Variants in SLC1A7 observed in about 807,000 individuals in gnomAD.
The protein encoded by SLC1A7 is solute carrier family 1 member 7.
A neutral mutation model predicts 47.7 loss-of-function variants in SLC1A7; 40 were observed. That is an observed-to-expected ratio of 0.84 (90% CI 0.65 to 1.09). The LOEUF (loss-of-function observed/expected upper bound fraction) is 1.09. Among genes scored for constraint, SLC1A7 ranks in the 50% least tolerant of loss-of-function variants. The pLI is 0.00. For synonymous variants in SLC1A7, 323 were observed against 325.6 expected, an observed-to-expected ratio of 0.99 and a Z score of 0.09; for missense variants, 746 against 769.5, an observed-to-expected ratio of 0.97 and a Z score of 0.36.
At chr1:53,105,852 C>T (rs182247943) in intron 3 of SLC1A7, 78 bp from the exon 4 acceptor site, 1 of 1,164,806 alleles carries the variant, frequency 8.6e-7, no homozygotes, top group East Asian at 2.3e-5. Flanking sequence ...TTGGGGTCAT[C>T]TGGACATCTC....
chr1:53,089,688 C>G (rs561530368), intron 9 of SLC1A7, 112 bp downstream of exon 9: 2 of 1,137,684 alleles, frequency 1.8e-6, no homozygotes, highest in Middle Eastern at 2.4e-4. Context: ...CCAAGCGGGG[C>G]AGTCCCCAGC....
intron 4 of SLC1A7, among the ~76,000 whole-genome samples, chr1:53,105,297 A>C (rs531442114): frequency 3.3e-5 from 5 of 152,310 alleles, no homozygotes; most frequent in African/African-American, 1.2e-4. Flanking sequence ...AGAAAGAGAA[A>C]ACAGGCTAAG....
intron 8 of SLC1A7, 139 bp downstream of exon 8, chr1:53,090,473 C>T: frequency 7.5e-7 from 1 of 1,329,526 alleles, no homozygotes. Flanking sequence ...AGGCTCGGAG[C>T]TCCCAGCCCT....
intron 3 of SLC1A7, among the ~76,000 whole-genome samples, chr1:53,111,698 C>T (rs57866820): frequency 0.016 from 2,479 of 152,244 alleles, 66 homozygotes; most frequent in African/African-American, 0.054. Flanking sequence ...GAGCTTGGGC[C>T]TGTTAATTTT....
Position 53,089,885 on chromosome 1 carries a change from C to T in SLC1A7, c.1276G>A (p.Gly426Ser), listed in dbSNP as rs141913685. 8.1e-6 allele frequency: 13 copies of T among 1,613,780 alleles called. No individual in the cohort carries two copies. In the East Asian group the frequency reaches 1.6e-4, roughly 19 times the overall value. ...SIGAAGIPQAGLVTMVIVLTS... is the reference protein window; with the variant it reads ...SIGAAGIPQASLVTMVIVLTS... ...AGCACGATGACCATGGTGACGAGGC[C>T]GGCCTGGGGGATGCCAGCTGCCCCA... The change falls in exon 9 of 11, where the codon GGC becomes AGC. Residue 426 changes from glycine (G) to serine (S), a missense_variant. Gly to Ser is a moderately conservative substitution (Grantham distance 56, BLOSUM62 0). Coordinates refer to ENST00000371494, the MANE Select transcript of SLC1A7 (RefSeq NM_006671.6).
rs574439534 is a variant in SLC1A7 at position 53,134,665 on chromosome 1, C to T, written c.136-236G>A. ...TGGCCTTAAGCATCTTCTGTGACCACTCTGAGTTTTGTATTTTTCTCATCT... is the reference window on the plus strand; with the variant it reads ...TGGCCTTAAGCATCTTCTGTGACCATTCTGAGTTTTGTATTTTTCTCATCT... On this transcript the variant is annotated intron_variant, in intron 1 of 10. Coordinates refer to ENST00000371494, the MANE Select transcript of SLC1A7 (RefSeq NM_006671.6). Among the ~76,000 whole-genome samples, 30 of 152,288 alleles carry T rather than the reference C, an allele frequency of 2.0e-4. No individual in the cohort carries two copies. In the South Asian group the frequency reaches 4.8e-3, roughly 24 times the overall value.
chr1:53,137,394 T>C (rs945520908), intron 1 of SLC1A7, among the ~76,000 whole-genome samples: 1 of 152,202 alleles, frequency 6.6e-6, no homozygotes, highest in Non-Finnish European at 1.5e-5. Flanking sequence ...CTTCTAGCTG[T>C]TTCCCATAGT....
At chr1:53,108,451 C>T (rs1769289) in intron 3 of SLC1A7, 625,282 of 636,166 alleles carry the variant, frequency 0.98, 307,494 homozygotes, top group East Asian at 1. Flanking sequence ...CCTTCCTTAA[C>T]AGAAGTCCTA....
Position 53,105,776 on chromosome 1 carries a change from T to C in SLC1A7, c.432-2A>G, listed in dbSNP as rs756665743. On this transcript the variant is annotated splice_acceptor_variant, in intron 3 of 10. Coordinates refer to ENST00000371494, the MANE Select transcript of SLC1A7 (RefSeq NM_006671.6). LOFTEE classifies it high-confidence loss of function. The stretch of plus-strand genomic sequence containing the variant: ...ACTAGGTTGGCTGGGAACATGTTCC[T>C]AGGAAGAGAATCAGCAATTGAAAAA... 6.2e-6 allele frequency: 10 copies of C among 1,612,720 alleles called. No individual in the cohort carries two copies. The South Asian group carries it at 1.1e-4, about 18-fold the overall frequency.
intron 1 of SLC1A7, among the ~76,000 whole-genome samples, chr1:53,139,795 A>C (rs994573951): frequency 1.1e-4 from 16 of 151,770 alleles, no homozygotes; most frequent in Non-Finnish European, 2.4e-4. Context: ...TATTCTCTTT[A>C]TTCTTGGTGG....
At chr1:53,091,479 G>A (rs1644422119) in intron 7 of SLC1A7, among the ~76,000 whole-genome samples, 1 of 152,224 alleles carries the variant, frequency 6.6e-6, no homozygotes, top group African/African-American at 2.4e-5. Context: ...GAGATGGCCA[G>A]GGGGCTGCTG....
chr1:53,115,264 T>G (rs1333939463), intron 2 of SLC1A7: 2 of 495,220 alleles, frequency 4.0e-6, no homozygotes, highest in Non-Finnish European at 7.3e-6. Context: ...GTTGGGGGAG[T>G]GAGAGATTAA....
chr1:53,129,464 GA>G (rs1274176112), intron 2 of SLC1A7, among the ~76,000 whole-genome samples: 1 of 139,870 alleles, frequency 7.1e-6, no homozygotes, highest in Non-Finnish European at 1.6e-5. Flanking sequence ...CATTGTGACA[GA>G]TGAAGCCACC....
chr1:53,107,884 C>G (rs1644661009), intron 3 of SLC1A7: 1 of 152,264 alleles, frequency 6.6e-6, no homozygotes, highest in African/African-American at 2.4e-5. Flanking sequence ...AAGATACTAC[C>G]AGGCAATTCG....
intron 5 of SLC1A7, among the ~76,000 whole-genome samples, chr1:53,101,946 A>C (rs3766776): frequency 0.82 from 125,193 of 151,794 alleles, 52,393 homozygotes; most frequent in Non-Finnish European, 0.9. Context: ...CCCTCATACG[A>C]CCTGCCTCAG....
rs202037434 is a variant in SLC1A7 at position 53,088,037 on chromosome 1, T to C, written c.1655A>G (p.Gln552Arg). ...PAASLNHCTIQISELETNV is the reference protein window; with the variant it reads ...PAASLNHCTIRISELETNV Reference sequence around the variant, plus strand: ...GACATTGGTCTCCAGCTCACTGATCTGGATGGTGCAGTGGTTCAGACTCGC... The same window carrying C: ...GACATTGGTCTCCAGCTCACTGATCCGGATGGTGCAGTGGTTCAGACTCGC... Residue 552 changes from glutamine to arginine, a missense_variant, in exon 11 of 11, where the codon CAG becomes CGG. By Grantham distance (43) the Gln-to-Arg change is conservative. Transcript: ENST00000371494. 4 of 1,549,724 alleles carry C rather than the reference T, an allele frequency of 2.6e-6. No homozygotes were observed. In the East Asian group the frequency reaches 9.3e-5, roughly 36 times the overall value.
At chr1:53,129,487 GTGGGCTGC>G (rs1396983473) in intron 2 of SLC1A7, among the ~76,000 whole-genome samples, 189 of 106,896 alleles carry the variant, frequency 1.8e-3, no homozygotes, top group Middle Eastern at 6.1e-3. Context: ...CTGGTCAAGC[GTGGGCTGC>G]ACTCAGTTGG....
chr1:53,134,442 T>G lies in SLC1A7; in HGVS notation c.136-13A>C, dbSNP rs751840815. On this transcript the variant is annotated splice_polypyrimidine_tract_variant and intron_variant, in intron 1 of 10. Coordinates refer to ENST00000371494, the MANE Select transcript of SLC1A7 (RefSeq NM_006671.6). ...AGTAACTAATTTCCTGAAAACACAGTAAGAACTGGGGTTATAGCAAGAGAT... is the reference window on the plus strand; with the variant it reads ...AGTAACTAATTTCCTGAAAACACAGGAAGAACTGGGGTTATAGCAAGAGAT... 1 of 1,584,788 alleles carries G rather than the reference T, an allele frequency of 6.3e-7. No homozygotes were observed. The highest frequency in any genetic ancestry group is 8.7e-7 in the Non-Finnish European group (1 of 1,154,702).
intron 2 of SLC1A7, chr1:53,116,037 A>G (rs1200151401): frequency 6.6e-6 from 1 of 152,220 alleles, no homozygotes; most frequent in African/African-American, 2.4e-5. Context: ...TCTTTCAGAT[A>G]AAGAAGTATT....
Sources: allele counts gnomAD v4.1 joint callset (sites outside exome capture counted in the v4.1 genomes callset), GRCh38; gene constraint gnomAD v4.1.1; transcripts MANE v1.5; gene names NCBI Gene and HGNC (gene_info 2026-07-23, HGNC 2026-07-21).